The following ZNF780B variants were observed in gnomAD, a reference collection of about 807,000 sequenced individuals.
The protein encoded by ZNF780B is zinc finger protein 780B.
In ZNF780B, 52 loss-of-function variants were observed where a neutral mutation model predicts 74.1. The observed-to-expected ratio is 0.70, with a 90% CI of 0.56 to 0.88. ZNF780B has a LOEUF of 0.88. Among genes scored for constraint, ZNF780B ranks in the 40% least tolerant of loss-of-function variants. The pLI, the probability that ZNF780B is intolerant of heterozygous loss-of-function variation, is 0.00. For missense variants in ZNF780B, 953 were observed against 1,007.6 expected, an observed-to-expected ratio of 0.95 and a Z score of 0.73; for synonymous variants, 315 against 324.3, an observed-to-expected ratio of 0.97 and a Z score of 0.31.
At position 40,036,024 on chromosome 19, in the gene ZNF780B, AT is replaced by A. The variant is rs771303773; in HGVS notation, c.834del (p.Gln278HisfsTer68). The A allele has an allele frequency of 5.0e-6, 8 of 1,613,990 alleles. No homozygotes were observed. Among genetic ancestry groups the A allele is most frequent in the Non-Finnish European group, 6.8e-6 (8 of 1,180,016 alleles). On this transcript the variant is annotated frameshift_variant, in exon 5 of 5. Coordinates refer to ENST00000434248, the MANE Select transcript of ZNF780B (RefSeq NM_001005851.3). LOFTEE classifies it high-confidence loss of function. ...QSIHAGVKPY[Q>X]CKECGKAFNR... ...TTAAAGGCTTTCCCACACTCCTTACATTGATATGGTTTTACACCAGCATGAA... is the reference window on the plus strand; with the variant it reads ...TTAAAGGCTTTCCCACACTCCTTACATGATATGGTTTTACACCAGCATGAA...
intron 1 of ZNF780B, among the ~76,000 whole-genome samples, chr19:40,054,941 C>G (rs552613479): frequency 6.6e-6 from 1 of 152,196 alleles, no homozygotes; most frequent in Admixed American, 6.5e-5. Flanking sequence ...ATCTCATGGA[C>G]TCTCCCGAAA....
chr19:40,037,218 A>ATT (rs562892051), intron 4 of ZNF780B, among the ~76,000 whole-genome samples: 39 of 131,830 alleles, frequency 3.0e-4, no homozygotes, highest in African/African-American at 9.0e-4. Flanking sequence ...CCTGGCCTCT[A>ATT]TTTTTTTTTT....
At chr19:40,047,315 G>C in intron 4 of ZNF780B, 60 bp downstream of exon 4, 1 of 1,436,256 alleles carries the variant, frequency 7.0e-7, no homozygotes, top group Admixed American at 1.7e-5. Flanking sequence ...ACTCCTCTCT[G>C]AGCACATGGG....
intron 1 of ZNF780B, among the ~76,000 whole-genome samples, chr19:40,054,458 C>T (rs1973387393): frequency 6.6e-6 from 1 of 152,060 alleles, no homozygotes; most frequent in African/African-American, 2.4e-5. Context: ...TTAGTCATTC[C>T]ACAATGTACA....
Position 40,034,557 on chromosome 19 carries a change from G to A in ZNF780B, c.2302C>T (p.Leu768Phe). The A allele has an allele frequency of 3.7e-6, 6 of 1,613,572 alleles. No individual in the cohort carries two copies. The highest frequency in any genetic ancestry group is 5.1e-6 in the Non-Finnish European group (6 of 1,179,880). ...CGKAFNRGSN[L>F]VQPQSIHTGE... ...GTATGAATACTCTGAGGTTGAACAAGGTTTGAGCCACGATTAAAGGCCTTC... is the reference window on the plus strand; with the variant it reads ...GTATGAATACTCTGAGGTTGAACAAAGTTTGAGCCACGATTAAAGGCCTTC... The change falls in exon 5 of 5, where the codon CTT becomes TTT. Residue 768 changes from leucine (L) to phenylalanine (F), a missense_variant. By Grantham distance (22) the Leu-to-Phe change is conservative (BLOSUM62 0). Transcript: ENST00000434248.
rs1367500421 is a variant in ZNF780B, at chr19:40,028,830, T to G, written c.*5527A>C. 1 of 152,206 alleles carries G rather than the reference T, an allele frequency of 6.6e-6. No homozygotes were observed. The highest frequency in any genetic ancestry group is 1.5e-5 in the Non-Finnish European group (1 of 68,052). 9.4% of individuals were successfully genotyped at this position (152,206 alleles called of 1,614,324 possible). On this transcript the variant is annotated 3_prime_UTR_variant, in exon 5 of 5. Coordinates refer to ENST00000434248, the MANE Select transcript of ZNF780B (RefSeq NM_001005851.3). Reference sequence around the variant, plus strand: ...ATTCTGGTTACCCTTCACCCAGATTTCTCAAATATTAATATATTAAGCTAG... The same window carrying G: ...ATTCTGGTTACCCTTCACCCAGATTGCTCAAATATTAATATATTAAGCTAG...
rs755236160 is a variant in ZNF780B, at chr19:40,050,312, A to T, written c.9+12T>A. 29 of 1,597,016 alleles carry T rather than the reference A, an allele frequency of 1.8e-5. No homozygotes were observed. In the South Asian group the frequency reaches 3.1e-4, roughly 17 times the overall value. Reference sequence around the variant, plus strand: ...GTCACCATATTTCAAGAAGACAGAAACACCAACTTACATGGACCATGTTTC... The same window carrying T: ...GTCACCATATTTCAAGAAGACAGAATCACCAACTTACATGGACCATGTTTC... On this transcript the variant is annotated intron_variant, in intron 2 of 4. Transcript: ENST00000434248.
chr19:40,051,848 C>T (rs1239869213), intron 1 of ZNF780B, among the ~76,000 whole-genome samples: 2 of 152,190 alleles, frequency 1.3e-5, no homozygotes, highest in Non-Finnish European at 2.9e-5. Context: ...TTCCCTTCTT[C>T]ACCAAATAAC....
rs540655432 is a variant in ZNF780B at position 40,036,419 on chromosome 19, T to G, written c.440A>C (p.Glu147Ala). 2 of 1,609,146 alleles carry G rather than the reference T, an allele frequency of 1.2e-6. No individual in the cohort carries two copies. Among genetic ancestry groups the G allele is most frequent in the Non-Finnish European group, 8.5e-7 (1 of 1,178,446 alleles). ...GYINQKIISY[E>A]EMPAYTHASP... ...AGCATGAGTATAAGCAGGCATTTCT[T>G]CATAGCTGATGATCTTCTGGTTGAT... Residue 147 changes from glutamate to alanine, a missense_variant, in exon 5 of 5, where the codon GAA becomes GCA. Coordinates refer to ENST00000434248, the MANE Select transcript of ZNF780B (RefSeq NM_001005851.3).
chr19:40,030,412 T>C lies in ZNF780B; in HGVS notation c.*3945A>G, dbSNP rs1295926759. 6.6e-6 allele frequency: 1 copy of C among 152,064 alleles called. No homozygotes were observed. Among genetic ancestry groups the C allele is most frequent in the Non-Finnish European group, 1.5e-5 (1 of 68,004 alleles). 9.4% of individuals were successfully genotyped at this position (152,064 alleles called of 1,614,324 possible). On this transcript the variant is annotated 3_prime_UTR_variant, in exon 5 of 5. Coordinates refer to ENST00000434248, the MANE Select transcript of ZNF780B (RefSeq NM_001005851.3). ...ACATTAATTTATTCATGAGGGATCT[T>C]CTCCCATGACCCACACACCTCCCAT...
chr19:40,032,167 A>T lies in ZNF780B; in HGVS notation c.*2190T>A, dbSNP rs909357849. On this transcript the variant is annotated 3_prime_UTR_variant, in exon 5 of 5. Transcript: ENST00000434248. ...ACTCAAAATTCAATGTCATTTTTTT[A>T]AAATGAGAAATGTTCTAGACCAGTG... The T allele has an allele frequency of 2.3e-5, 10 of 431,158 alleles. No individual in the cohort carries two copies. Among genetic ancestry groups the T allele is most frequent in the Admixed American group, 1.1e-4 (4 of 35,986 alleles). 26.7% of individuals were successfully genotyped at this position (431,158 alleles called of 1,614,324 possible). A position where few individuals can be genotyped will look rare whatever the true frequency, so the allele number is the denominator to read the frequency against.
At position 40,036,053 on chromosome 19, in the gene ZNF780B, C is replaced by T. The variant is rs560949536; in HGVS notation, c.806G>A (p.Ser269Asn). The stretch of plus-strand genomic sequence containing the variant: ...ATATGGTTTTACACCAGCATGAATA[C>T]TTTGATGCTGAGTAAGGTTTGAGCT... ...NRSSNLTQHQSIHAGVKPYQC... is the reference protein window; with the variant it reads ...NRSSNLTQHQNIHAGVKPYQC... The change falls in exon 5 of 5, where the codon AGT (serine) becomes AAT (asparagine). Residue 269 changes from serine (S) to asparagine (N), a missense_variant. Physicochemically the swap from Ser to Asn is conservative, Grantham distance 46. Transcript: ENST00000434248. 6.4e-5 allele frequency: 104 copies of T among 1,613,638 alleles called. No homozygotes were observed. In the South Asian group the frequency reaches 1.1e-3, roughly 17 times the overall value.
At chr19:40,042,628 T>C (rs55798334) in intron 4 of ZNF780B, among the ~76,000 whole-genome samples, 42,920 of 151,988 alleles carry the variant, frequency 0.28, 10,021 homozygotes, top group African/African-American at 0.65. Context: ...TCTAAACTTC[T>C]CTTCTCACTT....
chr19:40,036,330 C>G lies in ZNF780B; in HGVS notation c.529G>C (p.Gly177Arg). The G allele has an allele frequency of 6.2e-7, 1 of 1,613,746 alleles. No homozygotes were observed. Among genetic ancestry groups the G allele is most frequent in the Non-Finnish European group, 8.5e-7 (1 of 1,179,926 alleles). Residue 177 changes from glycine to arginine, a missense_variant, in exon 5 of 5, where the codon GGT becomes CGT. Transcript: ENST00000434248. ...CKECGKYFSC[G>R]SNLIQHQSIH... ...CTCTGATGCTGAATAAGATTTGAACCACAACTAAAGTATTTCCCACATTCC... is the reference window on the plus strand; with the variant it reads ...CTCTGATGCTGAATAAGATTTGAACGACAACTAAAGTATTTCCCACATTCC...
Position 40,036,449 on chromosome 19 carries a change from C to G in ZNF780B, c.410G>C (p.Gly137Ala). ...RFEGRQGHQE[G>A]YINQKIISYE... ...GCTGATGATCTTCTGGTTGATATATCCTTCTTGATGTCCCTGTCGTCCCTC... is the reference window on the plus strand; with the variant it reads ...GCTGATGATCTTCTGGTTGATATATGCTTCTTGATGTCCCTGTCGTCCCTC... Residue 137 changes from glycine to alanine, a missense_variant, in exon 5 of 5, where the codon GGA (glycine) becomes GCA (alanine). Physicochemically the swap from Gly to Ala is moderately conservative, Grantham distance 60. Transcript: ENST00000434248. 6.2e-7 allele frequency: 1 copy of G among 1,609,402 alleles called. No individual in the cohort carries two copies. Among genetic ancestry groups the G allele is most frequent in the African/African-American group, 1.3e-5 (1 of 74,788 alleles).
rs539671011 is a variant in ZNF780B, at chr19:40,048,686, G to T, written c.120C>A (p.Ser40Arg). The change falls in exon 3 of 5, where the codon AGC becomes AGA. Residue 40 changes from serine to arginine, a missense_variant. Physicochemically the swap from Ser to Arg is moderately radical, Grantham distance 110. Coordinates refer to ENST00000434248, the MANE Select transcript of ZNF780B (RefSeq NM_001005851.3). Reference protein sequence around the residue: ...LYRDVMLENYSHLISLGSSIS... With the variant: ...LYRDVMLENYRHLISLGSSIS... ...TGACCTTACCCAGTGATATCAGGTG[G>T]CTGTAGTTCTCCAACATCACATCCC... The T allele has an allele frequency of 1.9e-6, 3 of 1,614,194 alleles. No homozygotes were observed. The African/African-American group carries it at 4.0e-5, about 22-fold the overall frequency.
chr19:40,053,979 C>G (rs151223911), intron 1 of ZNF780B, among the ~76,000 whole-genome samples: 15 of 152,218 alleles, frequency 9.9e-5, no homozygotes, highest in Non-Finnish European at 1.6e-4. Context: ...ATGGCAAAAC[C>G]CTGTCTCTAC....
At chr19:40,040,709 T>C (rs1972594791) in intron 4 of ZNF780B, among the ~76,000 whole-genome samples, 1 of 152,164 alleles carries the variant, frequency 6.6e-6, no homozygotes. Flanking sequence ...GAGGTGTTTG[T>C]AGTATTCTCT....
rs554940984 is a variant in ZNF780B at position 40,034,885 on chromosome 19, T to C, written c.1974A>G (p.Gln658=). 1.2e-6 allele frequency: 2 copies of C among 1,614,050 alleles called. No individual in the cohort carries two copies. The highest frequency in any genetic ancestry group is 1.7e-5 in the Admixed American group (1 of 60,018). Residue 658 remains glutamine (Q), a synonymous_variant, in exon 5 of 5, where the codon CAA becomes CAG. Transcript: ENST00000434248. ...TTACACCAGCATGAATACTCTGATG[T>C]TGAACAAGGTTTGAGACACGATTAA... is the stretch of plus-strand genomic sequence containing the variant. The part of the protein sequence containing the change: ...KSFNRVSNLV[Q]HQSIHAGVKP...
Sources: gnomAD v4.1 joint callset for allele counts (sites outside exome capture counted in the v4.1 genomes callset) on GRCh38, gnomAD v4.1.1 for gene constraint, MANE v1.5 for transcripts, NCBI Gene and HGNC (gene_info 2026-07-23, HGNC 2026-07-21) for gene names.